DNMT3B: variants seen among roughly 807,000 people sequenced by gnomAD.
DNMT3B encodes the protein DNA (cytosine-5)-methyltransferase 3B.
DNMT3B carries 37 observed loss-of-function variants against 120.2 expected under a neutral mutation model. The ratio of observed to expected loss-of-function variants is 0.31; its 90% CI spans 0.24 to 0.40. The LOEUF (loss-of-function observed/expected upper bound fraction) is 0.40, where lower values mean the gene tolerates loss of function less well. Among genes scored for constraint, DNMT3B ranks in the 10% least tolerant of loss-of-function variants. The pLI, the probability that DNMT3B is intolerant of heterozygous loss-of-function variation, is 1.00. For synonymous variants in DNMT3B, 412 were observed against 442.8 expected (o/e 0.93, Z 0.87); for missense variants, 878 against 1,137.3 (o/e 0.77, Z 3.28).
chr20:32,802,141 G>A (rs558502825), intron 19 of DNMT3B, among the ~76,000 whole-genome samples: 6 of 152,154 alleles, frequency 3.9e-5, no homozygotes, highest in East Asian at 3.9e-4. Flanking sequence ...ATAATCTGGC[G>A]TATCCCAGGG....
chr20:32,786,680 T>G, intron 5 of DNMT3B, 53 bp downstream of exon 5: 1 of 1,611,656 alleles, frequency 6.2e-7, no homozygotes, highest in Non-Finnish European at 8.5e-7. Context: ...CTGGGAGATA[T>G]GCCTCACTCA....
chr20:32,793,485 A>G (rs752480624), intron 9 of DNMT3B, 51 bp from the exon 10 acceptor site: 5 of 1,596,518 alleles, frequency 3.1e-6, no homozygotes, highest in Non-Finnish European at 3.4e-6. Flanking sequence ...AAAACAGTCC[A>G]TACATTTAAT....
chr20:32,809,076 T>C lies in DNMT3B; in HGVS notation c.*1173T>C, dbSNP rs933517850. 10 of 216,912 alleles carry C rather than the reference T, an allele frequency of 4.6e-5. No individual in the cohort carries two copies. The highest frequency in any genetic ancestry group is 1.7e-4 in the Admixed American group (3 of 17,188). The allele number at this position is 216,912 out of a possible 1,614,324, so 13.4% of individuals were successfully genotyped here. On this transcript the variant is annotated 3_prime_UTR_variant, in exon 23 of 23. Transcript: ENST00000328111. Reference sequence around the variant, plus strand: ...CTGCATTTCAGAAATGCTGTCATAATGGTTTTTAACACCTTTTACTCTTCT... The same window carrying C: ...CTGCATTTCAGAAATGCTGTCATAACGGTTTTTAACACCTTTTACTCTTCT...
chr20:32,778,076 C>T (rs530055574), intron 1 of DNMT3B, among the ~76,000 whole-genome samples: 5 of 152,304 alleles, frequency 3.3e-5, no homozygotes, highest in African/African-American at 7.2e-5. Flanking sequence ...TGGTGGCTCA[C>T]GCCTGTAATC....
At chr20:32,767,734 G>A (rs535736989) in intron 1 of DNMT3B, among the ~76,000 whole-genome samples, 20 of 152,302 alleles carry the variant, frequency 1.3e-4, no homozygotes, top group African/African-American at 4.6e-4. Flanking sequence ...GCGCCCAGCT[G>A]TCTCATGTTC....
At chr20:32,778,835 C>T (rs894981030) in intron 1 of DNMT3B, among the ~76,000 whole-genome samples, 2 of 152,178 alleles carry the variant, frequency 1.3e-5, no homozygotes, top group African/African-American at 4.8e-5. Context: ...CACCTGTGGG[C>T]CCAGCTGGAG....
In DNMT3B at chr20:32,765,745, T is replaced by A. The variant is rs192121913; in HGVS notation, c.-7+3046T>A. Among the ~76,000 whole-genome samples, 1,061 of 128,226 alleles carry A rather than the reference T, an allele frequency of 8.3e-3. 17 individuals are homozygous for A. The highest frequency in any genetic ancestry group is 0.039 in the African/African-American group (1,007 of 25,956). 84.1% of individuals were successfully genotyped at this position (128,226 alleles called of 152,430 possible). On this transcript the variant is annotated intron_variant, in intron 1 of 22. Coordinates refer to ENST00000328111, the MANE Select transcript of DNMT3B (RefSeq NM_006892.4). ...GCTTTTTATTTATTTATTTATTTATTTTTTCTTTTTTTCTTTTTTTTTTTT... is the reference window on the plus strand; with the variant it reads ...GCTTTTTATTTATTTATTTATTTATATTTTCTTTTTTTCTTTTTTTTTTTT...
chr20:32,777,700 G>A (rs1312826309), intron 1 of DNMT3B, among the ~76,000 whole-genome samples: 1 of 152,130 alleles, frequency 6.6e-6, no homozygotes, highest in African/African-American at 2.4e-5. Flanking sequence ...GAGGTGAAAC[G>A]CTTGAAATTA....
At chr20:32,794,572 G>A (rs1235084050) in intron 10 of DNMT3B, among the ~76,000 whole-genome samples, 1 of 152,018 alleles carries the variant, frequency 6.6e-6, no homozygotes, top group Non-Finnish European at 1.5e-5. Flanking sequence ...GCTGAGGCAG[G>A]AGAATTTCTT....
At chr20:32,769,438 C>T (rs1175669765) in intron 1 of DNMT3B, among the ~76,000 whole-genome samples, 1 of 152,184 alleles carries the variant, frequency 6.6e-6, no homozygotes, top group South Asian at 2.1e-4. Flanking sequence ...GCTGAACCCA[C>T]AGAACTGGCA....
At chr20:32,787,113 T>C in intron 5 of DNMT3B, 117 bp from the exon 6 acceptor site, 1 of 1,260,090 alleles carries the variant, frequency 7.9e-7, no homozygotes, top group Middle Eastern at 2.2e-4. Context: ...GTCTCTGTTC[T>C]CTTTAACTTC....
intron 22 of DNMT3B, among the ~76,000 whole-genome samples, chr20:32,806,814 ATTG>A (rs201651236): frequency 0.025 from 2,889 of 117,578 alleles, 86 homozygotes; most frequent in African/African-American, 0.089. Flanking sequence ...TCACTCCTCT[ATTG>A]TTTGTTCATT....
chr20:32,788,828 A>C, intron 6 of DNMT3B, 26 bp from the exon 7 acceptor site: 3 of 1,613,926 alleles, frequency 1.9e-6, no homozygotes, highest in Non-Finnish European at 2.5e-6. Context: ...CCTCACTGGG[A>C]TTTCTTCATG....
intron 7 of DNMT3B, among the ~76,000 whole-genome samples, chr20:32,789,473 CAG>C (rs1979710941): frequency 6.6e-6 from 1 of 152,196 alleles, no homozygotes; most frequent in Non-Finnish European, 1.5e-5. Context: ...TTGGGTATTT[CAG>C]AGTCTCTTGA....
chr20:32,786,683 C>G lies in DNMT3B; in HGVS notation c.432+56C>G, dbSNP rs149479115. On this transcript the variant is annotated intron_variant, in intron 5 of 22. Coordinates refer to ENST00000328111, the MANE Select transcript of DNMT3B (RefSeq NM_006892.4). ...CGCAGTCTCTAACTGGGAGATATGC[C>G]TCACTCACTGCACTACTGGTTGTGG... 6.8e-5 allele frequency: 110 copies of G among 1,610,932 alleles called. No individual in the cohort carries two copies. In the African/African-American group the frequency reaches 1.4e-3, roughly 21 times the overall value.
chr20:32,782,078 C>T (rs1315641694), intron 3 of DNMT3B, among the ~76,000 whole-genome samples: 1 of 152,158 alleles, frequency 6.6e-6, no homozygotes, highest in Non-Finnish European at 1.5e-5. Context: ...GTGGTAAGAA[C>T]AAATCTTCCA....
In DNMT3B at chr20:32,800,776, G is replaced by T. The variant is rs575600955; in HGVS notation, c.1906-59G>T. On this transcript the variant is annotated intron_variant, in intron 17 of 22. Coordinates refer to ENST00000328111, the MANE Select transcript of DNMT3B (RefSeq NM_006892.4). ...AGCCCCACGCAAGATTCTAGAAGTGGGTCCAGCTCTCTTTCCCTCTGTCCA... is the reference window on the plus strand; with the variant it reads ...AGCCCCACGCAAGATTCTAGAAGTGTGTCCAGCTCTCTTTCCCTCTGTCCA... 4 of 1,572,122 alleles carry T rather than the reference G, an allele frequency of 2.5e-6. No individual in the cohort carries two copies. The African/African-American group carries it at 4.1e-5, about 16-fold the overall frequency.
intron 1 of DNMT3B, among the ~76,000 whole-genome samples, chr20:32,768,866 C>T (rs1366398263): frequency 1.3e-5 from 2 of 152,144 alleles, no homozygotes; most frequent in African/African-American, 2.4e-5. Context: ...AGCCCTACCC[C>T]GACAATGGCA....
intron 12 of DNMT3B, among the ~76,000 whole-genome samples, chr20:32,796,185 C>G (rs1168479465): frequency 1.3e-5 from 2 of 152,172 alleles, no homozygotes; most frequent in African/African-American, 4.8e-5. Flanking sequence ...TAGGAAAACA[C>G]CACATCCCTG....
Sources: gnomAD v4.1 joint callset for allele counts (sites outside exome capture counted in the v4.1 genomes callset) on GRCh38, gnomAD v4.1.1 for gene constraint, MANE v1.5 for transcripts, NCBI Gene and HGNC (gene_info 2026-07-23, HGNC 2026-07-21) for gene names.